The following PHEX variants were observed in gnomAD, a reference collection of about 807,000 sequenced individuals.
PHEX encodes phosphate-regulating neutral endopeptidase PHEX.
In PHEX, 16 loss-of-function variants were observed where a neutral mutation model predicts 68.0. The observed-to-expected ratio is 0.24, with a 90% CI of 0.16 to 0.36. The LOEUF is 0.36. Ranked by LOEUF, PHEX falls within the 10% of genes least tolerant of loss-of-function variation. The pLI, the probability that PHEX is intolerant of heterozygous loss-of-function variation, is 1.00. For missense variants in PHEX, 480 were observed against 575.5 expected (o/e 0.83, Z 1.70); for synonymous variants, 208 against 205.1 (o/e 1.01, Z -0.12).
intron 3 of PHEX, among the ~76,000 whole-genome samples, chrX:22,074,678 A>G (rs1929065937): frequency 9.0e-6 from 1 of 111,461 alleles, no homozygotes; most frequent in African/African-American, 3.3e-5. Flanking sequence ...ATGACTGTGT[A>G]AGCAATATAG....
At chrX:22,079,814 T>G (rs1331461751) in intron 5 of PHEX, among the ~76,000 whole-genome samples, 1 of 110,590 alleles carries the variant, frequency 9.0e-6, no homozygotes, top group Non-Finnish European at 1.9e-5. Context: ...TGAAAGTTCT[T>G]GTTTATAGGA....
At chrX:22,090,773 A>G (rs760003019) in intron 6 of PHEX, among the ~76,000 whole-genome samples, 3 of 112,200 alleles carry the variant, frequency 2.7e-5, no homozygotes, top group African/African-American at 9.7e-5. Context: ...GCTTGCAGTC[A>G]TTCATTCCTC....
intron 1 of PHEX, among the ~76,000 whole-genome samples, chrX:22,036,742 T>G (rs1266816447): frequency 3.7e-5 from 4 of 109,535 alleles, no homozygotes; most frequent in Non-Finnish European, 7.6e-5. Flanking sequence ...TTTTTTTTTT[T>G]TTTTGCTTTA....
chrX:22,185,756 GTTTTTT>G (rs3085228), intron 14 of PHEX, among the ~76,000 whole-genome samples: 2 of 87,795 alleles, frequency 2.3e-5, no homozygotes, highest in Non-Finnish European at 2.1e-5. Context: ...CTCGTTTGTG[GTTTTTT>G]TTTTTTTTTT....
intron 14 of PHEX, among the ~76,000 whole-genome samples, chrX:22,188,334 C>G (rs1200737704): frequency 9.0e-6 from 1 of 111,546 alleles, no homozygotes; most frequent in East Asian, 2.8e-4. Flanking sequence ...TCCCAAGTAG[C>G]TGGAACTATA....
At chrX:22,176,642 C>T (rs1177336353) in intron 13 of PHEX, among the ~76,000 whole-genome samples, 1 of 110,019 alleles carries the variant, frequency 9.1e-6, no homozygotes, top group East Asian at 2.9e-4. Flanking sequence ...TCCATCTCTG[C>T]ATATAAACAC....
At chrX:22,151,620 G>T (rs763043205) in intron 12 of PHEX, among the ~76,000 whole-genome samples, 1 of 111,390 alleles carries the variant, frequency 9.0e-6, no homozygotes, top group Admixed American at 9.6e-5. Flanking sequence ...TCCCCGAGGT[G>T]CCATTTTCTG....
intron 20 of PHEX, among the ~76,000 whole-genome samples, chrX:22,230,469 G>GTTAC (rs147065238): frequency 5.5e-5 from 6 of 108,543 alleles, no homozygotes; most frequent in Admixed American, 2.0e-4. Flanking sequence ...GTGGTTTGTA[G>GTTAC]TTATCCTTGA....
At chrX:22,067,871 T>C (rs12012833) in intron 3 of PHEX, among the ~76,000 whole-genome samples, 5,962 of 109,272 alleles carry the variant, frequency 0.055, 449 homozygotes, top group African/African-American at 0.19. Context: ...TCACTCTTGT[T>C]GCCTAGGCTG....
chrX:22,150,868 T>C (rs1932844216), intron 12 of PHEX, among the ~76,000 whole-genome samples: 1 of 112,430 alleles, frequency 8.9e-6, no homozygotes, highest in African/African-American at 3.2e-5. Context: ...TGCTTTGCCT[T>C]GAATATAGGT....
intron 20 of PHEX, among the ~76,000 whole-genome samples, chrX:22,237,275 G>A (rs1356470433): frequency 8.9e-6 from 1 of 111,948 alleles, no homozygotes; most frequent in Non-Finnish European, 1.9e-5. Context: ...CTTCATATTA[G>A]CCAGCTTCTG....
At chrX:22,228,040 T>C (rs926881319) in intron 20 of PHEX, among the ~76,000 whole-genome samples, 2 of 111,924 alleles carry the variant, frequency 1.8e-5, no homozygotes, top group African/African-American at 3.2e-5. Context: ...CTCAGGGTCA[T>C]GTTCCCAACT....
chrX:22,218,326 T>TAAG (rs374709881), intron 16 of PHEX, among the ~76,000 whole-genome samples: 348 of 111,445 alleles, frequency 3.1e-3, no homozygotes, highest in African/African-American at 0.011. Flanking sequence ...AGTCCAAATT[T>TAAG]AAGAAGAGGG....
rs1332863209 is a variant in PHEX at position 22,144,786 on chromosome X, A to G, written c.1404+11162A>G. Among the ~76,000 whole-genome samples the G allele has an allele frequency of 6.4e-5, 7 of 109,567 alleles. No individual in the cohort carries two copies. The Admixed American group carries it at 6.9e-4, about 11-fold the overall frequency. Reference sequence around the variant, plus strand: ...ATGGTTGATTTGAATCAGTATCCAGATGAGGTCTGCATATTGCAGTCAATA... The same window carrying G: ...ATGGTTGATTTGAATCAGTATCCAGGTGAGGTCTGCATATTGCAGTCAATA... On this transcript the variant is annotated intron_variant, in intron 12 of 21. Transcript: ENST00000379374.
At chrX:22,066,970 G>A (rs1469654922) in intron 3 of PHEX, among the ~76,000 whole-genome samples, 1 of 111,249 alleles carries the variant, frequency 9.0e-6, no homozygotes, top group African/African-American at 3.3e-5. Context: ...CCGGCTGGGC[G>A]TGGTGGCTCA....
At chrX:22,136,646 C>T (rs984108141) in intron 12 of PHEX, among the ~76,000 whole-genome samples, 9 of 111,810 alleles carry the variant, frequency 8.0e-5, no homozygotes, top group African/African-American at 2.9e-4. Flanking sequence ...CCATAGTGAC[C>T]GACCTCCTGA....
At chrX:22,177,521 C>T (rs1421705409) in intron 13 of PHEX, among the ~76,000 whole-genome samples, 2 of 111,440 alleles carry the variant, frequency 1.8e-5, no homozygotes, top group Non-Finnish European at 1.9e-5. Context: ...AAACCGTCTG[C>T]CATTCTCCTT....
In PHEX at chrX:22,248,783, TTGTC is replaced by T. The variant is rs1344464234; in HGVS notation, c.*837_*840del. 1 of 112,171 alleles carries T rather than the reference TTGTC, an allele frequency of 8.9e-6. No homozygotes were observed. The highest frequency in any genetic ancestry group is 1.9e-5 in the Non-Finnish European group (1 of 53,236). The allele number at this position is 112,171 out of a possible 1,213,427, so 9.2% of individuals were successfully genotyped here. ...GTCCAGTCTGTATGAACTGCAGTGA[TTGTC>T]TGTCTGCTAGACACTTTTTTTTAGC... On this transcript the variant is annotated 3_prime_UTR_variant, in exon 22 of 22. Coordinates refer to ENST00000379374, the MANE Select transcript of PHEX (RefSeq NM_000444.6).
chrX:22,041,259 C>CTATATA (rs1569367413), intron 2 of PHEX, among the ~76,000 whole-genome samples: 2 of 65,735 alleles, frequency 3.0e-5, no homozygotes, highest in Non-Finnish European at 5.4e-5. Flanking sequence ...CTCTCTCTCT[C>CTATATA]TCTCTCTATA....
Sources: allele counts gnomAD v4.1 joint callset (sites outside exome capture counted in the v4.1 genomes callset), GRCh38; gene constraint gnomAD v4.1.1; transcripts MANE v1.5; gene names NCBI Gene and HGNC (gene_info 2026-07-23, HGNC 2026-07-21).